The following BDKRB2 variants were observed in gnomAD, a reference collection of about 807,000 sequenced individuals.
BDKRB2 encodes bradykinin receptor B2, also known as B2 bradykinin receptor.
Under a neutral mutation model 4.0 loss-of-function variants are expected in BDKRB2, and 6 were observed. The observed-to-expected ratio is 1.49, with a 90% CI of 0.81 to 2.93. The LOEUF (loss-of-function observed/expected upper bound fraction) is 2.93, where lower values mean the gene tolerates loss of function less well. Among genes scored for constraint, BDKRB2 ranks in the 30% most tolerant of loss-of-function variants. The probability of loss-of-function intolerance (pLI) is 0.00; values close to 1 mark genes in which losing one functional copy is unlikely to be tolerated. For synonymous variants in BDKRB2, 225 were observed against 215.3 expected (o/e 1.05, Z -0.40); for missense variants, 478 against 520.1 (o/e 0.92, Z 0.79).
intron 1 of BDKRB2, chr14:96,233,876 T>C (rs1595261736): frequency 6.6e-6 from 1 of 152,242 alleles, no homozygotes; most frequent in Middle Eastern, 3.4e-3. Context: ...AGAGAGAGAA[T>C]GAGTGAATCA....
intron 1 of BDKRB2, among the ~76,000 whole-genome samples, chr14:96,220,041 C>G (rs1890520054): frequency 6.6e-6 from 1 of 151,986 alleles, no homozygotes; most frequent in African/African-American, 2.4e-5. Context: ...TAGAAATTTG[C>G]AAATGCTACG....
chr14:96,223,650 A>G (rs59027692), intron 1 of BDKRB2, among the ~76,000 whole-genome samples: 9,811 of 152,110 alleles, frequency 0.064, 468 homozygotes, highest in East Asian at 0.18. Context: ...GTTTGAGACC[A>G]TGGCTGTTAC....
intron 1 of BDKRB2, chr14:96,223,337 C>G (rs1890620251): frequency 2.0e-6 from 2 of 1,023,718 alleles, no homozygotes; most frequent in South Asian, 2.5e-5. Context: ...CCCAAGAAGC[C>G]AAAGAAATGA....
intron 1 of BDKRB2, among the ~76,000 whole-genome samples, chr14:96,220,435 C>T (rs1890531644): frequency 1.3e-5 from 2 of 152,030 alleles, no homozygotes; most frequent in Admixed American, 6.5e-5. Context: ...AAATCAATTA[C>T]AAAAAGCAAA....
intron 1 of BDKRB2, among the ~76,000 whole-genome samples, chr14:96,215,698 T>G (rs1015676658): frequency 1.3e-5 from 2 of 152,020 alleles, no homozygotes; most frequent in Admixed American, 6.6e-5. Flanking sequence ...CTACAGGAGT[T>G]TCTGCAGGAA....
In BDKRB2 at chr14:96,242,477, T is replaced by C. The variant is rs1354209123; in HGVS notation, c.*973T>C. The C allele has an allele frequency of 6.6e-6, 1 of 152,236 alleles. No homozygotes were observed. The allele number at this position is 152,236 out of a possible 1,614,324, so 9.4% of individuals were successfully genotyped here. A position where few individuals can be genotyped will look rare whatever the true frequency, so the allele number is the denominator to read the frequency against. ...AGACGTAACTGGGATATGTTTACTA[T>C]AAGGAAAAGACACTGAGGTCTAGAA... is the stretch of plus-strand genomic sequence containing the variant. On this transcript the variant is annotated 3_prime_UTR_variant, in exon 3 of 3. Coordinates refer to ENST00000554311, the MANE Select transcript of BDKRB2 (RefSeq NM_001379692.1).
intron 1 of BDKRB2, among the ~76,000 whole-genome samples, chr14:96,215,016 A>G (rs1890386010): frequency 6.6e-6 from 1 of 152,208 alleles, no homozygotes; most frequent in African/African-American, 2.4e-5. Context: ...TACGTAAATA[A>G]ACCCATAATT....
intron 1 of BDKRB2, among the ~76,000 whole-genome samples, chr14:96,220,351 C>G (rs556874434): frequency 6.6e-5 from 10 of 152,098 alleles, no homozygotes; most frequent in Admixed American, 5.9e-4. Context: ...CCTCAAGCAG[C>G]TCAGGAGGAG....
intron 1 of BDKRB2, among the ~76,000 whole-genome samples, chr14:96,218,174 C>A (rs575738711): frequency 7.2e-5 from 11 of 152,208 alleles, no homozygotes; most frequent in Non-Finnish European, 1.5e-4. Context: ...GTGGAAAGTG[C>A]AGACGGGCAG....
chr14:96,224,980 G>C (rs1295132604), intron 1 of BDKRB2, among the ~76,000 whole-genome samples: 1 of 152,188 alleles, frequency 6.6e-6, no homozygotes, highest in Non-Finnish European at 1.5e-5. Flanking sequence ...AAGCCACAGG[G>C]AGCAAGGCAG....
At chr14:96,213,858 A>C (rs1413673308) in intron 1 of BDKRB2, among the ~76,000 whole-genome samples, 1 of 152,180 alleles carries the variant, frequency 6.6e-6, no homozygotes, top group African/African-American at 2.4e-5. Flanking sequence ...GAGGGGAGAC[A>C]GAGCTAGCTA....
At chr14:96,240,058 A>C (rs769064150) in intron 2 of BDKRB2, 290 of 1,038,354 alleles carry the variant, frequency 2.8e-4, no homozygotes, top group Non-Finnish European at 3.3e-4. Flanking sequence ...CCGGTTGATA[A>C]GGAAGGAATG....
At chr14:96,220,198 GTCCCAGCCCCC>G (rs77515727) in intron 1 of BDKRB2, among the ~76,000 whole-genome samples, 9,334 of 152,002 alleles carry the variant, frequency 0.061, 393 homozygotes, top group East Asian at 0.14. Context: ...CAAGTACCAG[GTCCCAGCCCCC>G]ACCCCTCCCC....
At chr14:96,211,328 C>T (rs115802072) in intron 1 of BDKRB2, among the ~76,000 whole-genome samples, 3,317 of 152,298 alleles carry the variant, frequency 0.022, 104 homozygotes, top group African/African-American at 0.067. Flanking sequence ...CTTGTGCATG[C>T]GCTGCTGCAC....
At chr14:96,205,599 G>A (rs911563650) in intron 1 of BDKRB2, among the ~76,000 whole-genome samples, 2 of 152,212 alleles carry the variant, frequency 1.3e-5, no homozygotes, top group Non-Finnish European at 2.9e-5. Flanking sequence ...GACCAGGGCA[G>A]GGGGATAGGA....
chr14:96,230,288 C>T (rs920770200), intron 1 of BDKRB2, among the ~76,000 whole-genome samples: 3 of 152,232 alleles, frequency 2.0e-5, no homozygotes, highest in Admixed American at 6.5e-5. Flanking sequence ...TGTAAAACCA[C>T]GGTGACAGAA....
At chr14:96,213,863 T>C (rs540306965) in intron 1 of BDKRB2, among the ~76,000 whole-genome samples, 1 of 152,294 alleles carries the variant, frequency 6.6e-6, no homozygotes, top group Non-Finnish European at 1.5e-5. Flanking sequence ...GAGACAGAGC[T>C]AGCTAGAGAC....
At chr14:96,229,005 G>A (rs1890758902) in intron 1 of BDKRB2, among the ~76,000 whole-genome samples, 1 of 152,212 alleles carries the variant, frequency 6.6e-6, no homozygotes, top group African/African-American at 2.4e-5. Flanking sequence ...GTGCAGTGTT[G>A]AGGCTGGAAC....
intron 1 of BDKRB2, among the ~76,000 whole-genome samples, chr14:96,221,967 G>A (rs1421407469): frequency 6.6e-6 from 1 of 152,028 alleles, no homozygotes; most frequent in Non-Finnish European, 1.5e-5. Context: ...TTATCTGCCC[G>A]GAGGCAGCAC....
Sources: allele counts gnomAD v4.1 joint callset (sites outside exome capture counted in the v4.1 genomes callset), GRCh38; gene constraint gnomAD v4.1.1; transcripts MANE v1.5; gene names NCBI Gene and HGNC (gene_info 2026-07-23, HGNC 2026-07-21).